SNTG1: variants seen among roughly 807,000 people sequenced by gnomAD.
SNTG1 encodes the protein gamma-1-syntrophin.
A neutral mutation model predicts 74.7 loss-of-function variants in SNTG1; 39 were observed. The ratio of observed to expected loss-of-function variants is 0.52; its 90% CI spans 0.40 to 0.68. The LOEUF (loss-of-function observed/expected upper bound fraction) is 0.68. Ranked by LOEUF, SNTG1 falls within the 30% of genes least tolerant of loss-of-function variation. SNTG1 has a pLI of 0.00. For missense variants in SNTG1, 685 were observed against 609.5 expected (o/e 1.12, Z -1.30); for synonymous variants, 254 against 217.1 (o/e 1.17, Z -1.49).
Position 50,536,796 on chromosome 8 carries a change from C to G in SNTG1, c.668C>G (p.Thr223Arg). The G allele has an allele frequency of 6.2e-7, 1 of 1,613,960 alleles. No individual in the cohort carries two copies. The highest frequency in any genetic ancestry group is 8.5e-7 in the Non-Finnish European group (1 of 1,179,844). Reference protein sequence around the residue: ...HSRFSQYVPGTDLSRQNAFQV... With the variant: ...HSRFSQYVPGRDLSRQNAFQV... ...CGCTTCTCTCAGTATGTGCCCGGCA[C>G]AGATTTGAGTCGGTGAGTCCGTGTT... The change falls in exon 11 of 19, where the codon ACA (threonine) becomes AGA (arginine). Residue 223 changes from threonine to arginine, a missense_variant. By Grantham distance (71) the Thr-to-Arg change is moderately conservative. Transcript: ENST00000642720.
chr8:50,782,359 G>C (rs988796850), intron 18 of SNTG1, among the ~76,000 whole-genome samples: 2 of 151,964 alleles, frequency 1.3e-5, no homozygotes, highest in African/African-American at 4.8e-5. Flanking sequence ...ACATAGATTT[G>C]GTCTTTTCAC....
chr8:50,544,575 C>T (rs2094372434), intron 11 of SNTG1, among the ~76,000 whole-genome samples: 1 of 152,060 alleles, frequency 6.6e-6, no homozygotes, highest in African/African-American at 2.4e-5. Flanking sequence ...AGAGAAATTT[C>T]TGACAAGAAA....
At chr8:50,643,904 G>A (rs999125171) in intron 13 of SNTG1, 4 of 152,156 alleles carry the variant, frequency 2.6e-5, no homozygotes, top group African/African-American at 9.7e-5. Context: ...ATGAGACCTG[G>A]TCTGACTTGT....
At chr8:50,326,381 A>G (rs528241620) in intron 2 of SNTG1, among the ~76,000 whole-genome samples, 31 of 152,176 alleles carry the variant, frequency 2.0e-4, no homozygotes, top group African/African-American at 7.0e-4. Context: ...ATATAGGACT[A>G]TTCAGAATGA....
chr8:49,960,454 A>C (rs1483527666), intron 1 of SNTG1, among the ~76,000 whole-genome samples: 1 of 152,182 alleles, frequency 6.6e-6, no homozygotes, highest in Non-Finnish European at 1.5e-5. Flanking sequence ...TGATTGCTAA[A>C]AGATGGATTT....
intron 1 of SNTG1, among the ~76,000 whole-genome samples, chr8:50,140,430 C>T (rs377119114): frequency 8.6e-5 from 13 of 151,948 alleles, no homozygotes; most frequent in South Asian, 4.2e-4. Context: ...TGTGTATGTA[C>T]GGTGTGTATA....
chr8:50,204,785 G>T (rs968359692), intron 2 of SNTG1, among the ~76,000 whole-genome samples: 6 of 151,932 alleles, frequency 3.9e-5, no homozygotes, highest in African/African-American at 1.5e-4. Context: ...TGTTCTCATT[G>T]TTCAATTCCC....
At chr8:50,568,104 A>G (rs1240117401) in intron 12 of SNTG1, among the ~76,000 whole-genome samples, 2 of 152,012 alleles carry the variant, frequency 1.3e-5, no homozygotes, top group African/African-American at 4.8e-5. Context: ...AGCTCATGCA[A>G]TGTCTGTCTT....
intron 1 of SNTG1, among the ~76,000 whole-genome samples, chr8:50,056,218 A>T (rs1257447579): frequency 1.3e-5 from 2 of 152,222 alleles, no homozygotes; most frequent in East Asian, 3.9e-4. Context: ...GAGTTAGAGC[A>T]AATTAATGAA....
chr8:50,598,796 C>T (rs73587027), intron 13 of SNTG1, among the ~76,000 whole-genome samples: 30,909 of 151,762 alleles, frequency 0.2, 7,417 homozygotes, highest in African/African-American at 0.58. Flanking sequence ...TTTCATTTTT[C>T]TGGCTAAGTT....
intron 5 of SNTG1, among the ~76,000 whole-genome samples, chr8:50,440,007 A>T (rs1198704677): frequency 6.6e-6 from 1 of 151,522 alleles, no homozygotes; most frequent in East Asian, 1.9e-4. Context: ...CCACATTTTA[A>T]CCTAGTTTTT....
intron 2 of SNTG1, among the ~76,000 whole-genome samples, chr8:50,273,548 T>C (rs2130318300): frequency 6.6e-6 from 1 of 152,324 alleles, no homozygotes; most frequent in Non-Finnish European, 1.5e-5. Context: ...TTAAGCATTA[T>C]GAATAAAATT....
intron 2 of SNTG1, among the ~76,000 whole-genome samples, chr8:50,384,536 A>C (rs191443454): frequency 6.6e-6 from 1 of 152,312 alleles, no homozygotes; most frequent in Non-Finnish European, 1.5e-5. Flanking sequence ...TACCTGGCTT[A>C]TCACTCTGGG....
intron 1 of SNTG1, among the ~76,000 whole-genome samples, chr8:50,009,614 A>G (rs914261236): frequency 6.6e-6 from 1 of 152,096 alleles, no homozygotes; most frequent in Non-Finnish European, 1.5e-5. Flanking sequence ...AACCTTTTTC[A>G]TTGTTGCCAA....
At chr8:50,474,131 AACC>A (rs1248166908) in intron 8 of SNTG1, among the ~76,000 whole-genome samples, 1 of 152,086 alleles carries the variant, frequency 6.6e-6, no homozygotes, top group African/African-American at 2.4e-5. Flanking sequence ...GATGGAAGAA[AACC>A]TAGGCAATAC....
At chr8:50,496,379 T>A (rs1205958414) in intron 8 of SNTG1, among the ~76,000 whole-genome samples, 1 of 152,172 alleles carries the variant, frequency 6.6e-6, no homozygotes, top group East Asian at 1.9e-4. Flanking sequence ...TGTTTCCTGA[T>A]GTGTGCTTAA....
Position 50,225,899 on chromosome 8 carries a change from AT to A in SNTG1, c.-28+53267del, listed in dbSNP as rs1368655094. 1.7e-4 allele frequency among the ~76,000 whole-genome samples: 26 copies of A among 152,292 alleles called. No individual in the cohort carries two copies. The East Asian group carries it at 5.0e-3, about 30-fold the overall frequency. On this transcript the variant is annotated intron_variant, in intron 2 of 18. Coordinates refer to ENST00000642720, the MANE Select transcript of SNTG1 (RefSeq NM_018967.5). ...AAGAAGTATTGACAATTGGCATAGT[AT>A]TTGCAACAGTTATCACTGGCAGCTG...
At chr8:50,554,145 A>G (rs970041368) in intron 12 of SNTG1, among the ~76,000 whole-genome samples, 6 of 152,172 alleles carry the variant, frequency 3.9e-5, no homozygotes, top group Non-Finnish European at 7.4e-5. Flanking sequence ...TGTGGCCACT[A>G]TACCTTTCTA....
At chr8:50,580,382 G>T (rs1476550943) in intron 12 of SNTG1, among the ~76,000 whole-genome samples, 1 of 152,160 alleles carries the variant, frequency 6.6e-6, no homozygotes, top group Non-Finnish European at 1.5e-5. Context: ...ATGCTGGAAT[G>T]AGTTAAGGCT....
Sources: gnomAD v4.1 joint callset for allele counts (sites outside exome capture counted in the v4.1 genomes callset) on GRCh38, gnomAD v4.1.1 for gene constraint, MANE v1.5 for transcripts, NCBI Gene and HGNC (gene_info 2026-07-23, HGNC 2026-07-21) for gene names.